Variants in FBXW7 observed in about 807,000 individuals in gnomAD.
FBXW7 encodes the protein F-box/WD repeat-containing protein 7.
In FBXW7, 11 loss-of-function variants were observed where a neutral mutation model predicts 86.3. The observed-to-expected ratio is 0.13, with a 90% CI of 0.08 to 0.21. The LOEUF (loss-of-function observed/expected upper bound fraction) is 0.21. FBXW7 is among the 10% of genes least tolerant of loss of function. The pLI is 1.00. For synonymous variants in FBXW7, 313 were observed against 297.9 expected, an observed-to-expected ratio of 1.05 and a Z score of -0.52; for missense variants, 488 against 847.4, an observed-to-expected ratio of 0.58 and a Z score of 5.27.
At chr4:152,371,825 C>T (rs1409506157) in intron 4 of FBXW7, among the ~76,000 whole-genome samples, 1 of 151,848 alleles carries the variant, frequency 6.6e-6, no homozygotes, top group African/African-American at 2.4e-5. Context: ...TTAATTAAGC[C>T]ATGTTCATCT....
At chr4:152,495,811 C>G (rs556211087) in intron 2 of FBXW7, among the ~76,000 whole-genome samples, 1 of 152,204 alleles carries the variant, frequency 6.6e-6, no homozygotes, top group Non-Finnish European at 1.5e-5. Context: ...GCTTAGAAAG[C>G]AACAAAAACC....
intron 4 of FBXW7, among the ~76,000 whole-genome samples, chr4:152,405,900 T>TA (rs1335030318): frequency 2.6e-5 from 4 of 152,216 alleles, no homozygotes; most frequent in African/African-American, 9.7e-5. Context: ...ACAGTACTTT[T>TA]AGTTTTCAGT....
chr4:152,502,407 A>G (rs1411796357), intron 2 of FBXW7, among the ~76,000 whole-genome samples: 1 of 152,156 alleles, frequency 6.6e-6, no homozygotes, highest in Non-Finnish European at 1.5e-5. Context: ...GTAAAAATTA[A>G]CTAATTTACA....
chr4:152,488,667 T>C (rs1745565374), intron 2 of FBXW7, among the ~76,000 whole-genome samples: 1 of 152,070 alleles, frequency 6.6e-6, no homozygotes, highest in Non-Finnish European at 1.5e-5. Flanking sequence ...TTAAAAAATA[T>C]TCGCTCCAAC....
At chr4:152,409,601 G>T (rs1205579286) in intron 4 of FBXW7, among the ~76,000 whole-genome samples, 1 of 152,030 alleles carries the variant, frequency 6.6e-6, no homozygotes, top group East Asian at 1.9e-4. Flanking sequence ...TTGTAGAAGG[G>T]TATCACTGTC....
chr4:152,324,501 C>T (rs932604695), intron 12 of FBXW7, 107 bp from the exon 13 acceptor site: 6 of 872,912 alleles, frequency 6.9e-6, no homozygotes, highest in Non-Finnish European at 7.1e-6. Flanking sequence ...ACAGGTAATG[C>T]CAGGAACAAA....
At chr4:152,338,588 C>G (rs1730396927) in intron 6 of FBXW7, among the ~76,000 whole-genome samples, 1 of 151,958 alleles carries the variant, frequency 6.6e-6, no homozygotes, top group South Asian at 2.1e-4. Context: ...AAGAGATACA[C>G]TATAAAAACA....
chr4:152,370,270 GAGAAGAAATTTAAGAAAATCCC>G (rs1338107149), intron 4 of FBXW7, among the ~76,000 whole-genome samples: 1 of 151,850 alleles, frequency 6.6e-6, no homozygotes. Context: ...ACTAGCAAAG[GAGAAGAAATTTAAGAAAATCCC>G]ATTCAACATT....
chr4:152,428,946 T>C (rs1281380127), intron 2 of FBXW7, among the ~76,000 whole-genome samples: 1 of 152,120 alleles, frequency 6.6e-6, no homozygotes, highest in Non-Finnish European at 1.5e-5. Flanking sequence ...TCCCAGCACT[T>C]TGGGAGGCCA....
At chr4:152,482,521 C>T (rs541527622) in intron 2 of FBXW7, among the ~76,000 whole-genome samples, 2 of 152,274 alleles carry the variant, frequency 1.3e-5, no homozygotes, top group Non-Finnish European at 2.9e-5. Flanking sequence ...TTTTTCACCA[C>T]TTCCTTGTTT....
intron 4 of FBXW7, among the ~76,000 whole-genome samples, chr4:152,358,855 G>A (rs1310877613): frequency 6.6e-6 from 1 of 152,178 alleles, no homozygotes; most frequent in African/African-American, 2.4e-5. Context: ...GGAAAAGTAG[G>A]TACAGAATTA....
intron 2 of FBXW7, among the ~76,000 whole-genome samples, chr4:152,466,911 T>C (rs989079804): frequency 3.9e-5 from 6 of 152,176 alleles, no homozygotes; most frequent in Admixed American, 3.3e-4. Context: ...CACTGCACTC[T>C]GGCCTGAGCG....
At chr4:152,517,905 C>T (rs1748646579) in intron 2 of FBXW7, among the ~76,000 whole-genome samples, 1 of 152,188 alleles carries the variant, frequency 6.6e-6, no homozygotes, top group Non-Finnish European at 1.5e-5. Flanking sequence ...TCTACCCCAA[C>T]CCCTAAATTC....
chr4:152,334,247 G>A (rs951493068), intron 7 of FBXW7, among the ~76,000 whole-genome samples: 5 of 152,098 alleles, frequency 3.3e-5, no homozygotes, highest in African/African-American at 1.2e-4. Context: ...GAGAAGCTGA[G>A]TCATTTAAAA....
intron 2 of FBXW7, among the ~76,000 whole-genome samples, chr4:152,448,511 A>T (rs913509601): frequency 7.9e-5 from 12 of 152,330 alleles, no homozygotes; most frequent in African/African-American, 2.9e-4. Context: ...GTATGGCTAC[A>T]AGAGAACAAA....
At chr4:152,333,405 T>TTA (rs1729757628) in intron 7 of FBXW7, among the ~76,000 whole-genome samples, 1 of 152,124 alleles carries the variant, frequency 6.6e-6, no homozygotes, top group African/African-American at 2.4e-5. Context: ...TTTAAAAACT[T>TTA]TGTTTATAAT....
chr4:152,448,300 T>A (rs1053444208), intron 2 of FBXW7, among the ~76,000 whole-genome samples: 1 of 152,218 alleles, frequency 6.6e-6, no homozygotes, highest in African/African-American at 2.4e-5. Context: ...CACAATCTGA[T>A]GATGACAAAA....
intron 2 of FBXW7, among the ~76,000 whole-genome samples, chr4:152,496,866 G>C (rs185886901): frequency 6.6e-6 from 1 of 152,168 alleles, no homozygotes; most frequent in Admixed American, 6.5e-5. Context: ...AATTTTCATT[G>C]AGAGAAGATT....
At chr4:152,493,749 C>A (rs1247103872) in intron 2 of FBXW7, among the ~76,000 whole-genome samples, 1 of 152,194 alleles carries the variant, frequency 6.6e-6, no homozygotes, top group African/African-American at 2.4e-5. Context: ...ACAAACCTGC[C>A]AACACCTTGA....
Sources: gnomAD v4.1 joint callset for allele counts (sites outside exome capture counted in the v4.1 genomes callset) on GRCh38, gnomAD v4.1.1 for gene constraint, MANE v1.5 for transcripts, NCBI Gene and HGNC (gene_info 2026-07-23, HGNC 2026-07-21) for gene names.